MIDEAS: variants seen among roughly 807,000 people sequenced by gnomAD.
MIDEAS encodes mitotic deacetylase associated SANT domain protein.
MIDEAS carries 26 observed loss-of-function variants against 102.7 expected under a neutral mutation model. The observed-to-expected ratio is 0.25, with a 90% CI of 0.19 to 0.35. The LOEUF (loss-of-function observed/expected upper bound fraction) is 0.35. Among genes scored for constraint, MIDEAS ranks in the 10% least tolerant of loss-of-function variants. The pLI, the probability that MIDEAS is intolerant of heterozygous loss-of-function variation, is 1.00. For synonymous variants in MIDEAS, 585 were observed against 591.0 expected, an observed-to-expected ratio of 0.99 and a Z score of 0.15; for missense variants, 1,231 against 1,435.6, an observed-to-expected ratio of 0.86 and a Z score of 2.30.
chr14:73,770,516 A>G (rs2053633361), intron 1 of MIDEAS, among the ~76,000 whole-genome samples: 1 of 152,012 alleles, frequency 6.6e-6, no homozygotes, highest in Non-Finnish European at 1.5e-5. Flanking sequence ...GAGAGGAGGG[A>G]TTGTGACTGG....
rs928660848 is a variant in MIDEAS at position 73,718,614 on chromosome 14, G to C, written c.*229C>G. ...CCCGGTCCAGGAAAGCACGAGGACA[G>C]CTTCCGACAGACCAAATGCAAAGAG... On this transcript the variant is annotated 3_prime_UTR_variant, in exon 13 of 13. Transcript: ENST00000423556. 1.7e-5 allele frequency: 7 copies of C among 403,692 alleles called. No individual in the cohort carries two copies. Among genetic ancestry groups the C allele is most frequent in the African/African-American group, 1.3e-4 (6 of 47,932 alleles). The allele number at this position is 403,692 out of a possible 1,614,324, so 25.0% of individuals were successfully genotyped here. A position where few individuals can be genotyped will look rare whatever the true frequency, so the allele number is the denominator to read the frequency against.
At chr14:73,728,771 G>A (rs537992360) in intron 4 of MIDEAS, 1 of 152,288 alleles carries the variant, frequency 6.6e-6, no homozygotes, top group South Asian at 2.1e-4. Context: ...GATACTCGTG[G>A]ACAGACTGAC....
chr14:73,789,542 T>A (rs1258498788), upstream of MIDEAS, among the ~76,000 whole-genome samples: 1 of 152,140 alleles, frequency 6.6e-6, no homozygotes, highest in Non-Finnish European at 1.5e-5. Flanking sequence ...ATAAATGTTG[T>A]CTTAAGCTGC....
chr14:73,726,651 G>C lies in MIDEAS; in HGVS notation c.2362C>G (p.Gln788Glu), dbSNP rs754839238. 6.2e-7 allele frequency: 1 copy of C among 1,614,274 alleles called. No individual in the cohort carries two copies. The highest frequency in any genetic ancestry group is 1.1e-5 in the South Asian group (1 of 91,090). ...SSIFPGAGTN[Q>E]ELALHCLHES... is the part of the protein sequence containing the mutation. ...TGCAGACAGTGCAGGGCCAGCTCCT[G>C]GTTGGTGCCAGCACCAGGGAAAATG... The change falls in exon 7 of 13, where the codon CAG becomes GAG. Residue 788 changes from glutamine to glutamate, a missense_variant. Physicochemically the swap from Gln to Glu is conservative, Grantham distance 29 (BLOSUM62 2). This residue lies in a region of MIDEAS where 391 missense variants were observed against 483.0 expected (regional missense o/e 0.81). Coordinates refer to ENST00000423556, the MANE Select transcript of MIDEAS (RefSeq NM_001367710.1).
rs767404367 is a variant in MIDEAS, at chr14:73,738,876, T to C, written c.1133A>G (p.His378Arg). The C allele has an allele frequency of 1.3e-6, 2 of 1,559,388 alleles. No individual in the cohort carries two copies. Among genetic ancestry groups the C allele is most frequent in the African/African-American group, 1.4e-5 (1 of 73,152 alleles). The stretch of plus-strand genomic sequence containing the variant: ...TGGCGGCTGCTGCAGGGGCCAGTGA[T>C]GTAGGAACAGGTTGCCAGTGGCCTC... Reference protein sequence around the residue: ...GQEATGNLFLHHWPLQQPPPG... With the variant: ...GQEATGNLFLRHWPLQQPPPG... Residue 378 changes from histidine (H) to arginine (R), a missense_variant, in exon 2 of 13, where the codon CAT (histidine) becomes CGT (arginine). Coordinates refer to ENST00000423556, the MANE Select transcript of MIDEAS (RefSeq NM_001367710.1).
intron 1 of MIDEAS, among the ~76,000 whole-genome samples, chr14:73,756,267 AGTGTGT>A (rs772519833): frequency 3.9e-4 from 55 of 141,136 alleles, no homozygotes; most frequent in South Asian, 6.9e-4. Context: ...AGCCCATGTC[AGTGTGT>A]GTGTGTGTGT....
chr14:73,777,768 T>C (rs2053704605), intron 1 of MIDEAS, among the ~76,000 whole-genome samples: 1 of 151,996 alleles, frequency 6.6e-6, no homozygotes, highest in Non-Finnish European at 1.5e-5. Context: ...GGGGTTTTCC[T>C]AAACCTTTCC....
At chr14:73,763,057 C>T (rs2053566340), upstream of MIDEAS, among the ~76,000 whole-genome samples, 2 of 152,128 alleles carry the variant, frequency 1.3e-5, no homozygotes, top group Admixed American at 1.3e-4. Context: ...AGGATGAGGC[C>T]AGGCACAGTG....
intron 2 of MIDEAS, 23 bp from the exon 3 acceptor site, chr14:73,737,320 T>G (rs557657458): frequency 1.3e-6 from 2 of 1,595,842 alleles, no homozygotes; most frequent in Non-Finnish European, 8.6e-7. Flanking sequence ...GGAACAGAAG[T>G]GCAATTTAAA....
chr14:73,783,949 T>TA (rs1220139283), intron 1 of MIDEAS, among the ~76,000 whole-genome samples: 1 of 152,080 alleles, frequency 6.6e-6, no homozygotes, highest in African/African-American at 2.4e-5. Context: ...GTGGGGCAGC[T>TA]AGGAAGGGGC....
rs2140088267 is a variant in MIDEAS at position 73,717,903 on chromosome 14, TGCTG to T, written c.*936_*939del. 1 of 141,552 alleles carries T rather than the reference TGCTG, an allele frequency of 7.1e-6. No homozygotes were observed. Among genetic ancestry groups the T allele is most frequent in the South Asian group, 2.4e-4 (1 of 4,188 alleles). 8.8% of individuals were successfully genotyped at this position (141,552 alleles called of 1,614,324 possible). On this transcript the variant is annotated 3_prime_UTR_variant, in exon 13 of 13. Transcript: ENST00000423556. Reference sequence around the variant, plus strand: ...AGGGTGCGGTGGGGTTAGGTGTAGCTGCTGAGGTCAGAGCAGAGGCAAGGAGGCT... The same window carrying T: ...AGGGTGCGGTGGGGTTAGGTGTAGCTAGGTCAGAGCAGAGGCAAGGAGGCT...
In MIDEAS at chr14:73,738,663, C is replaced by G; in HGVS notation, c.1346G>C (p.Gly449Ala). The change falls in exon 2 of 13, where the codon GGA becomes GCA. Residue 449 changes from glycine (G) to alanine (A), a missense_variant. Around this residue, in one of 5 missense-constraint regions of MIDEAS, gnomAD observed 758 missense variants for 856.0 expected, o/e 0.89. Transcript: ENST00000423556. Reference sequence around the variant, plus strand: ...CCTCCGTCGCGTGCTCTGGATCACTCCGCCCCGTAGCACCTGCCCACAGTC... The same window carrying G: ...CCTCCGTCGCGTGCTCTGGATCACTGCGCCCCGTAGCACCTGCCCACAGTC... ...TGDCGQVLRG[G>A]VIQSTRRRRR... 1 of 1,613,844 alleles carries G rather than the reference C, an allele frequency of 6.2e-7. No individual in the cohort carries two copies. The highest frequency in any genetic ancestry group is 8.5e-7 in the Non-Finnish European group (1 of 1,179,950).
intron 1 of MIDEAS, among the ~76,000 whole-genome samples, chr14:73,756,269 T>A (rs866410909): frequency 8.8e-5 from 7 of 79,986 alleles, no homozygotes; most frequent in African/African-American, 4.2e-4. Context: ...CCCATGTCAG[T>A]GTGTGTGTGT....
Position 73,739,401 on chromosome 14 carries a change from G to A in MIDEAS, c.608C>T (p.Ala203Val). 1 of 1,580,182 alleles carries A rather than the reference G, an allele frequency of 6.3e-7. No individual in the cohort carries two copies. The highest frequency in any genetic ancestry group is 8.6e-7 in the Non-Finnish European group (1 of 1,161,394). Reference sequence around the variant, plus strand: ...TGACTGGTTTGGGGGTTTCTTGGCTGCGTGGAAAGAATTCAGGGGTGCCTG... The same window carrying A: ...TGACTGGTTTGGGGGTTTCTTGGCTACGTGGAAAGAATTCAGGGGTGCCTG... Reference protein sequence around the residue: ...RPQAPLNSFHAAKKPPNQSLP... With the variant: ...RPQAPLNSFHVAKKPPNQSLP... The change falls in exon 2 of 13, where the codon GCA becomes GTA. Residue 203 changes from alanine to valine, a missense_variant. Physicochemically the swap from Ala to Val is moderately conservative, Grantham distance 64. Around this residue, in one of 5 missense-constraint regions of MIDEAS, gnomAD observed 758 missense variants for 856.0 expected, o/e 0.89. Coordinates refer to ENST00000423556, the MANE Select transcript of MIDEAS (RefSeq NM_001367710.1).
upstream of MIDEAS, among the ~76,000 whole-genome samples, chr14:73,763,720 T>C (rs1217942192): frequency 6.6e-6 from 1 of 152,100 alleles, no homozygotes; most frequent in East Asian, 1.9e-4. Flanking sequence ...CGTTTCCCTC[T>C]AGAGAACTAA....
intron 1 of MIDEAS, among the ~76,000 whole-genome samples, chr14:73,749,432 AAGCTG>A (rs1331010717): frequency 6.6e-6 from 1 of 151,326 alleles, no homozygotes; most frequent in Admixed American, 6.6e-5. Flanking sequence ...GCTACTCAGG[AAGCTG>A]AGGCAGGAGG....
Position 73,719,278 on chromosome 14 carries a change from C to G in MIDEAS, c.3134+27G>C, listed in dbSNP as rs754717812. The G allele has an allele frequency of 6.8e-6, 11 of 1,608,262 alleles. No individual in the cohort carries two copies. In the South Asian group the frequency reaches 1.2e-4, roughly 18 times the overall value. ...TCCGCGCACCAGCCCGCGGGGGTCC[C>G]AGCGGGGACAGCGCTGCCCACCTTA... On this transcript the variant is annotated intron_variant, in intron 12 of 12. Transcript: ENST00000423556.
intron 2 of MIDEAS, among the ~76,000 whole-genome samples, chr14:73,737,826 G>GGTTGTAGT (rs2140120758): frequency 6.8e-6 from 1 of 146,122 alleles, no homozygotes; most frequent in Admixed American, 6.9e-5. Flanking sequence ...CTGTCACCCA[G>GGTTGTAGT]GTTGTAGTGC....
chr14:73,737,117 C>T lies in MIDEAS; in HGVS notation c.1630G>A (p.Ala544Thr). The part of the protein sequence containing the change: ...RTVDPTEAAQ[A>T]GGLDEDGKGP... ...TTCCCGTCCTCATCAAGACCTCCAG[C>T]CTGGGCTGCCTCAGTTGGGTCCACA... is the stretch of plus-strand genomic sequence containing the variant. The change falls in exon 3 of 13, where the codon GCT (alanine) becomes ACT (threonine). Residue 544 changes from alanine to threonine, a missense_variant. Around this residue, in one of 5 missense-constraint regions of MIDEAS, gnomAD observed 758 missense variants for 856.0 expected, o/e 0.89. Coordinates refer to ENST00000423556, the MANE Select transcript of MIDEAS (RefSeq NM_001367710.1). 1 of 1,614,236 alleles carries T rather than the reference C, an allele frequency of 6.2e-7. No individual in the cohort carries two copies. The highest frequency in any genetic ancestry group is 8.5e-7 in the Non-Finnish European group (1 of 1,180,042).
Sources: gnomAD v4.1 joint callset for allele counts (sites outside exome capture counted in the v4.1 genomes callset) on GRCh38, gnomAD v4.1.1 for gene constraint, gnomAD v4.1.1 regional missense constraint, MANE v1.5 for transcripts, NCBI Gene and HGNC (gene_info 2026-07-23, HGNC 2026-07-21) for gene names.